Variants in CCDC149 observed in about 807,000 individuals in gnomAD.
CCDC149 encodes the protein coiled-coil domain containing 149.
CCDC149 carries 45 observed loss-of-function variants against 59.9 expected under a neutral mutation model. The observed-to-expected ratio is 0.75, with a 90% confidence interval of 0.59 to 0.96. CCDC149 has a LOEUF of 0.96. Among genes scored for constraint, CCDC149 ranks in the 40% least tolerant of loss-of-function variants. The pLI, the probability that CCDC149 is intolerant of heterozygous loss-of-function variation, is 0.00. For missense variants in CCDC149, 584 were observed against 664.7 expected, an observed-to-expected ratio of 0.88 and a Z score of 1.33; for synonymous variants, 245 against 260.6, an observed-to-expected ratio of 0.94 and a Z score of 0.58.
chr4:24,939,812 G>T (rs1722901574), intron 1 of CCDC149, among the ~76,000 whole-genome samples: 1 of 152,134 alleles, frequency 6.6e-6, no homozygotes, highest in African/African-American at 2.4e-5. Flanking sequence ...AAGATGAAAT[G>T]AATGAAACGA....
At chr4:24,946,884 A>G (rs1723123402) in intron 1 of CCDC149, among the ~76,000 whole-genome samples, 1 of 152,174 alleles carries the variant, frequency 6.6e-6, no homozygotes, top group African/African-American at 2.4e-5. Context: ...TGGTGCCCGC[A>G]TATTCATATG....
intron 1 of CCDC149, among the ~76,000 whole-genome samples, chr4:24,886,504 G>A (rs2602740): frequency 0.18 from 27,657 of 152,214 alleles, 2,626 homozygotes; most frequent in Non-Finnish European, 0.22. Flanking sequence ...ACTGTATCCA[G>A]TGGTAATACC....
At chr4:24,974,203 A>G (rs1187221691) in intron 1 of CCDC149, among the ~76,000 whole-genome samples, 2 of 151,974 alleles carry the variant, frequency 1.3e-5, no homozygotes, top group Admixed American at 6.6e-5. Context: ...TGCTTTCCCC[A>G]CCAATCAGCC....
intron 1 of CCDC149, among the ~76,000 whole-genome samples, chr4:24,879,765 T>C: frequency 6.6e-6 from 1 of 152,138 alleles, no homozygotes; most frequent in African/African-American, 2.4e-5. Context: ...TGCAGACTCC[T>C]GGGCTCCAGC....
At chr4:24,897,503 G>T (rs1168379744) in intron 1 of CCDC149, among the ~76,000 whole-genome samples, 2 of 152,102 alleles carry the variant, frequency 1.3e-5, no homozygotes, top group Non-Finnish European at 2.9e-5. Flanking sequence ...TAATGAAATG[G>T]AAAGGTACAA....
chr4:24,829,857 G>A (rs1716020628), intron 9 of CCDC149: 1 of 152,340 alleles, frequency 6.6e-6, no homozygotes, highest in Non-Finnish European at 1.5e-5. Flanking sequence ...TGGCTGTTGA[G>A]GAAGGAGAGG....
chr4:24,895,203 T>C, intron 1 of CCDC149: 1 of 643,596 alleles, frequency 1.6e-6, no homozygotes, highest in Non-Finnish European at 2.8e-6. Context: ...AGGAGGGATA[T>C]CTTGGCTCAG....
intron 1 of CCDC149, among the ~76,000 whole-genome samples, chr4:24,947,207 C>T (rs868186021): frequency 6.6e-6 from 1 of 152,062 alleles, no homozygotes; most frequent in Admixed American, 6.5e-5. Flanking sequence ...ATTTTTGTTC[C>T]CATAATCCCC....
At chr4:24,973,058 C>T (rs958251484) in intron 1 of CCDC149, among the ~76,000 whole-genome samples, 1 of 152,154 alleles carries the variant, frequency 6.6e-6, no homozygotes, top group Non-Finnish European at 1.5e-5. Context: ...CTATTGATTC[C>T]AGGTCTTTAG....
At chr4:24,918,542 G>C (rs1266866539) in intron 1 of CCDC149, among the ~76,000 whole-genome samples, 1 of 152,142 alleles carries the variant, frequency 6.6e-6, no homozygotes, top group Admixed American at 6.6e-5. Flanking sequence ...TTGCCTCCCT[G>C]GGCCAGGCCT....
intron 1 of CCDC149, among the ~76,000 whole-genome samples, chr4:24,921,057 A>C (rs1210067166): frequency 6.6e-6 from 1 of 152,204 alleles, no homozygotes; most frequent in Non-Finnish European, 1.5e-5. Flanking sequence ...TGCTAAAAAT[A>C]AACTCCTTGA....
At chr4:24,903,831 G>A (rs1423294797) in intron 1 of CCDC149, among the ~76,000 whole-genome samples, 5 of 137,488 alleles carry the variant, frequency 3.6e-5, no homozygotes, top group South Asian at 4.5e-4. Context: ...ACAGAGTTTC[G>A]CTCTTGTTGC....
At chr4:24,887,056 C>T (rs1430301955) in intron 1 of CCDC149, among the ~76,000 whole-genome samples, 5 of 152,170 alleles carry the variant, frequency 3.3e-5, no homozygotes, top group Non-Finnish European at 5.9e-5. Context: ...CACACAAACA[C>T]CATGAGGGTA....
At chr4:24,860,352 C>A (rs1487415195) in intron 3 of CCDC149, among the ~76,000 whole-genome samples, 3 of 152,072 alleles carry the variant, frequency 2.0e-5, no homozygotes, top group African/African-American at 7.2e-5. Context: ...GAAAGGACAC[C>A]CTATTCAACA....
intron 1 of CCDC149, chr4:24,894,844 C>T (rs1720747579): frequency 2.0e-5 from 20 of 991,550 alleles, no homozygotes; most frequent in Non-Finnish European, 2.7e-5. Context: ...AAAAAAATCT[C>T]AAAGTCGCTG....
At chr4:24,959,386 C>T (rs977152557) in intron 1 of CCDC149, among the ~76,000 whole-genome samples, 4 of 152,292 alleles carry the variant, frequency 2.6e-5, no homozygotes, top group African/African-American at 9.6e-5. Flanking sequence ...ATTGATTATT[C>T]TCCTTGATAT....
intron 1 of CCDC149, among the ~76,000 whole-genome samples, chr4:24,906,836 G>A (rs1721566558): frequency 6.6e-6 from 1 of 152,246 alleles, no homozygotes. Flanking sequence ...GACAGCCAGA[G>A]GGCCAGAGGA....
At chr4:24,969,209 G>A (rs1162560393) in intron 1 of CCDC149, among the ~76,000 whole-genome samples, 1 of 152,196 alleles carries the variant, frequency 6.6e-6, no homozygotes, top group Non-Finnish European at 1.5e-5. Flanking sequence ...GTAACGATAG[G>A]GTGAGTGCCC....
At chr4:24,817,995 G>A (rs577370173) in intron 12 of CCDC149, among the ~76,000 whole-genome samples, 16 of 152,138 alleles carry the variant, frequency 1.1e-4, no homozygotes, top group African/African-American at 3.6e-4. Flanking sequence ...GTGATGAAAC[G>A]GTACTCCAAA....
Sources: allele counts gnomAD v4.1 joint callset (sites outside exome capture counted in the v4.1 genomes callset), GRCh38; gene constraint gnomAD v4.1.1; transcripts MANE v1.5; gene names NCBI Gene and HGNC (gene_info 2026-07-23, HGNC 2026-07-21).